Variants in FGF13 observed in about 807,000 individuals in gnomAD.
FGF13 encodes the protein fibroblast growth factor 13.
A neutral mutation model predicts 19.5 loss-of-function variants in FGF13; 2 were observed. The observed-to-expected ratio is 0.10, with a 90% confidence interval of 0.04 to 0.32. The LOEUF is 0.32. Ranked by LOEUF, FGF13 falls within the 10% of genes least tolerant of loss-of-function variation. FGF13 has a pLI of 1.00. For synonymous variants in FGF13, 72 were observed against 76.9 expected (o/e 0.94, Z 0.33); for missense variants, 113 against 192.7 (o/e 0.59, Z 2.45).
At chrX:139,142,030 G>C (rs1273364579) in intron 1 of FGF13, among the ~76,000 whole-genome samples, 1 of 111,617 alleles carries the variant, frequency 9.0e-6, no homozygotes, top group Non-Finnish European at 1.9e-5. Flanking sequence ...ACATTGCCGG[G>C]CTCAAACACT....
chrX:138,944,445 C>T (rs908220606), intron 1 of FGF13, among the ~76,000 whole-genome samples: 1 of 109,048 alleles, frequency 9.2e-6, no homozygotes, highest in Non-Finnish European at 1.9e-5. Context: ...TGTGGTTACA[C>T]TGGTTATTTC....
At chrX:139,123,998 A>G (rs988552877) in intron 1 of FGF13, among the ~76,000 whole-genome samples, 1 of 112,057 alleles carries the variant, frequency 8.9e-6, no homozygotes, top group African/African-American at 3.2e-5. Flanking sequence ...GTTCCCTGCC[A>G]GAGTGTGGAG....
intron 3 of FGF13, among the ~76,000 whole-genome samples, chrX:138,692,645 T>C (rs1402191094): frequency 9.0e-6 from 1 of 111,589 alleles, no homozygotes; most frequent in African/African-American, 3.2e-5. Context: ...ACTAGTGCCG[T>C]TATAGCAACA....
At chrX:138,796,773 C>G (rs1189021119) in intron 3 of FGF13, among the ~76,000 whole-genome samples, 1 of 112,072 alleles carries the variant, frequency 8.9e-6, no homozygotes, top group Non-Finnish European at 1.9e-5. Context: ...GAGATGGTAT[C>G]TCATTGTGGT....
intron 1 of FGF13, among the ~76,000 whole-genome samples, chrX:138,977,294 T>C (rs763055949): frequency 8.9e-6 from 1 of 112,130 alleles, no homozygotes; most frequent in African/African-American, 3.2e-5. Flanking sequence ...ATTTAAGCTT[T>C]CAAAATATAG....
chrX:138,701,223 T>TG (rs781310313), intron 3 of FGF13, among the ~76,000 whole-genome samples: 39 of 112,441 alleles, frequency 3.5e-4, no homozygotes, highest in Non-Finnish European at 6.0e-4. Flanking sequence ...ATATGATATC[T>TG]GGCATGTGCT....
At chrX:139,204,018 C>G (rs895538919), upstream of FGF13, 6 of 1,193,900 alleles carry the variant, frequency 5.0e-6, no homozygotes, top group African/African-American at 1.1e-4. Context: ...GCGAGGGAAA[C>G]GAAGGAAAGG....
chrX:138,998,825 C>A (rs774850026), intron 1 of FGF13, among the ~76,000 whole-genome samples: 5 of 111,571 alleles, frequency 4.5e-5, no homozygotes, highest in South Asian at 7.6e-4. Flanking sequence ...CAGTTCTGGA[C>A]CAAGCAGATC....
At chrX:138,954,165 A>G (rs1045327327) in intron 1 of FGF13, among the ~76,000 whole-genome samples, 10 of 110,142 alleles carry the variant, frequency 9.1e-5, no homozygotes, top group Non-Finnish European at 1.5e-4. Context: ...TTAAAATCAA[A>G]CAGACTTGGG....
At chrX:139,158,249 C>G (rs1275371994) in intron 1 of FGF13, among the ~76,000 whole-genome samples, 1 of 109,197 alleles carries the variant, frequency 9.2e-6, no homozygotes, top group East Asian at 2.9e-4. Context: ...CCTGGAACAC[C>G]AGAGAGAGAA....
At chrX:138,667,567 A>AAAGAG (rs2089563799) in intron 3 of FGF13, 1 of 313,488 alleles carries the variant, frequency 3.2e-6, no homozygotes, top group Admixed American at 3.3e-5. Context: ...AATAACTACT[A>AAAGAG]AAGAGACTTA....
chrX:138,774,849 T>G (rs2124348620), intron 3 of FGF13, among the ~76,000 whole-genome samples: 1 of 112,765 alleles, frequency 8.9e-6, no homozygotes, highest in Non-Finnish European at 1.9e-5. Context: ...TAGGTCAAAA[T>G]AGTTGATTGT....
chrX:139,171,350 A>T (rs5931578), intron 1 of FGF13, among the ~76,000 whole-genome samples: 26,376 of 111,567 alleles, frequency 0.24, 2,768 homozygotes, highest in East Asian at 0.52. Flanking sequence ...TAGATGCCTA[A>T]TTTATTTTAG....
At chrX:138,702,900 AATG>A in intron 3 of FGF13, 81 bp downstream of exon 3, 4 of 606,407 alleles carry the variant, frequency 6.6e-6, no homozygotes, top group Non-Finnish European at 8.3e-6. Flanking sequence ...AGAAATCTGT[AATG>A]ATAACACATA....
chrX:139,124,119 C>T (rs1403104345), intron 1 of FGF13, among the ~76,000 whole-genome samples: 1 of 112,211 alleles, frequency 8.9e-6, no homozygotes, highest in African/African-American at 3.2e-5. Flanking sequence ...TCAGGAGTTT[C>T]TCTTTGTTCA....
chrX:138,693,039 C>A (rs1210812787), intron 3 of FGF13, among the ~76,000 whole-genome samples: 1 of 111,108 alleles, frequency 9.0e-6, no homozygotes, highest in South Asian at 3.7e-4. Flanking sequence ...AAACACTAGA[C>A]CATCACCCTG....
chrX:139,154,155 C>CATGA (rs1278215538), intron 1 of FGF13, among the ~76,000 whole-genome samples: 1 of 111,630 alleles, frequency 9.0e-6, no homozygotes, highest in Non-Finnish European at 1.9e-5. Context: ...ATGACTACCC[C>CATGA]CTTGTATATG....
intron 1 of FGF13, among the ~76,000 whole-genome samples, chrX:138,868,558 T>C (rs780071030): frequency 1.2e-4 from 13 of 111,538 alleles, no homozygotes; most frequent in African/African-American, 4.2e-4. Flanking sequence ...CAGGCAATAT[T>C]ATAGGCTAAA....
intron 1 of FGF13, among the ~76,000 whole-genome samples, chrX:138,979,919 T>C (rs1331939687): frequency 9.0e-6 from 1 of 111,683 alleles, no homozygotes; most frequent in Non-Finnish European, 1.9e-5. Flanking sequence ...GGTTTGACAA[T>C]GAGGACTGGT....
Sources: allele counts gnomAD v4.1 joint callset (sites outside exome capture counted in the v4.1 genomes callset), GRCh38; gene constraint gnomAD v4.1.1; transcripts MANE v1.5; gene names NCBI Gene and HGNC (gene_info 2026-07-23, HGNC 2026-07-21).